MSTO1: variants seen among roughly 807,000 people sequenced by gnomAD.
The protein encoded by MSTO1 is misato mitochondrial distribution and morphology regulator 1.
In MSTO1, 24 loss-of-function variants were observed where a neutral mutation model predicts 55.7. That is an observed-to-expected ratio of 0.43 (90% CI 0.31 to 0.61). The LOEUF is 0.61. MSTO1 is among the 20% of genes least tolerant of loss of function. MSTO1 has a pLI of 0.09. For synonymous variants in MSTO1, 162 were observed against 252.8 expected (o/e 0.64, Z 3.41); for missense variants, 363 against 625.7 (o/e 0.58, Z 4.48).
the MSTO1 span, among the ~76,000 whole-genome samples, chr1:155,600,350 T>C: frequency 6.6e-6 from 1 of 152,206 alleles, no homozygotes; most frequent in South Asian, 2.1e-4. Context: ...ACTCAGCACA[T>C]GTTTCAGAGA....
chr1:155,575,658 G>T, the MSTO1 span, among the ~76,000 whole-genome samples: 1 of 151,802 alleles, frequency 6.6e-6, no homozygotes, highest in Non-Finnish European at 1.5e-5. Context: ...TACCCAGGCT[G>T]GTCTCAAACT....
intron 3 of MSTO1, 24 bp from the exon 4 acceptor site, chr1:155,611,192 T>C (rs1558258487): frequency 6.3e-7 from 1 of 1,586,562 alleles, no homozygotes. Context: ...GCAGTTTCTT[T>C]GATCAATCTC....
At chr1:155,575,947 C>A in the MSTO1 span, among the ~76,000 whole-genome samples, 1 of 151,616 alleles carries the variant, frequency 6.6e-6, no homozygotes, top group East Asian at 2.0e-4. Context: ...CTCAGCCTGC[C>A]AAGTGGCTGG....
At chr1:155,597,220 G>A in the MSTO1 span, among the ~76,000 whole-genome samples, 11 of 152,266 alleles carry the variant, frequency 7.2e-5, no homozygotes, top group Middle Eastern at 3.4e-3. Flanking sequence ...TGTAATTGCA[G>A]GATTTTGGGA....
At chr1:155,563,481 A>T in the MSTO1 span, 2 of 456,612 alleles carry the variant, frequency 4.4e-6, no homozygotes, top group South Asian at 3.1e-5. Flanking sequence ...GACCCGAGGA[A>T]GATCGGCGTG....
At chr1:155,565,438 C>T in the MSTO1 span, among the ~76,000 whole-genome samples, 1 of 152,110 alleles carries the variant, frequency 6.6e-6, no homozygotes, top group Non-Finnish European at 1.5e-5. Context: ...TAATAAACAA[C>T]ACTTTGAGGT....
At chr1:155,577,438 A>G in the MSTO1 span, among the ~76,000 whole-genome samples, 2 of 152,060 alleles carry the variant, frequency 1.3e-5, no homozygotes, top group Admixed American at 1.3e-4. Flanking sequence ...TCTATGAGCT[A>G]TTTTGCATTC....
the MSTO1 span, among the ~76,000 whole-genome samples, chr1:155,586,878 G>A: frequency 6.6e-6 from 1 of 152,174 alleles, no homozygotes; most frequent in African/African-American, 2.4e-5. Context: ...CTCCCAAGTA[G>A]CTGGGATTAC....
upstream of MSTO1, among the ~76,000 whole-genome samples, chr1:155,609,243 A>ATATATATATATATTTTT (rs59756178): frequency 4.4e-4 from 24 of 54,556 alleles, no homozygotes; most frequent in South Asian, 2.3e-3. Flanking sequence ...ATATATATAT[A>ATATATATATATATTTTT]TTTTTTTTTT....
the MSTO1 span, among the ~76,000 whole-genome samples, chr1:155,572,108 G>A: frequency 6.6e-6 from 1 of 151,908 alleles, no homozygotes; most frequent in African/African-American, 2.4e-5. Flanking sequence ...TTGGGATTTA[G>A]GACAATCTCA....
At chr1:155,563,981 T>G in the MSTO1 span, 1 of 174,748 alleles carries the variant, frequency 5.7e-6, no homozygotes, top group Non-Finnish European at 1.3e-5. Context: ...AATATTTGTT[T>G]CTCAAAACAC....
chr1:155,595,032 G>A, the MSTO1 span, among the ~76,000 whole-genome samples: 3 of 151,752 alleles, frequency 2.0e-5, no homozygotes, highest in African/African-American at 7.3e-5. Flanking sequence ...CAGCTACTTG[G>A]GAGGCTGAGG....
the MSTO1 span, among the ~76,000 whole-genome samples, chr1:155,574,039 T>C: frequency 6.6e-6 from 1 of 151,970 alleles, no homozygotes; most frequent in East Asian, 1.9e-4. Context: ...AGATGTGGAA[T>C]CTTCTGTTGG....
At chr1:155,565,618 G>GA in the MSTO1 span, among the ~76,000 whole-genome samples, 7 of 150,568 alleles carry the variant, frequency 4.6e-5, no homozygotes, top group African/African-American at 9.7e-5. Context: ...GTGCTTCAAA[G>GA]AAAAAAAAAT....
At chr1:155,608,869 G>C (rs12563584), upstream of MSTO1, among the ~76,000 whole-genome samples, 1 of 146,084 alleles carries the variant, frequency 6.8e-6, no homozygotes, top group African/African-American at 2.5e-5. Context: ...TTGTTTCCCA[G>C]GCTGGAGTGC....
chr1:155,598,415 A>G, the MSTO1 span, among the ~76,000 whole-genome samples: 1 of 151,964 alleles, frequency 6.6e-6, no homozygotes, highest in Non-Finnish European at 1.5e-5. Context: ...GCACCCGGCC[A>G]GGATTTCTTT....
At chr1:155,605,959 C>A (rs755664119), upstream of MSTO1, among the ~76,000 whole-genome samples, 2 of 152,120 alleles carry the variant, frequency 1.3e-5, no homozygotes, top group Admixed American at 6.5e-5. Context: ...CTGACAAGAA[C>A]ATTAAAGAAA....
the MSTO1 span, among the ~76,000 whole-genome samples, chr1:155,568,229 G>A: frequency 4.0e-5 from 6 of 151,100 alleles, no homozygotes; most frequent in East Asian, 6.0e-4. Flanking sequence ...ACAGGTGCCC[G>A]CCACTGTGCC....
the MSTO1 span, among the ~76,000 whole-genome samples, chr1:155,577,968 C>A: frequency 2.6e-5 from 4 of 152,084 alleles, no homozygotes; most frequent in South Asian, 4.1e-4. Context: ...TGGTATCGAA[C>A]TCCTAGCTCA....
Sources: gnomAD v4.1 joint callset for allele counts (sites outside exome capture counted in the v4.1 genomes callset) on GRCh38, gnomAD v4.1.1 for gene constraint, MANE v1.5 for transcripts, NCBI Gene and HGNC (gene_info 2026-07-23, HGNC 2026-07-21) for gene names.